Variants in NALCN observed in about 807,000 individuals in gnomAD.
NALCN encodes the protein sodium leak channel, non-selective, also known as sodium leak channel NALCN.
NALCN carries 111 observed loss-of-function variants against 225.3 expected under a neutral mutation model. That is an observed-to-expected ratio of 0.49 (90% confidence interval 0.42 to 0.58). The LOEUF is 0.58. NALCN is among the 20% of genes least tolerant of loss of function. The pLI is 0.00. For missense variants in NALCN, 1,378 were observed against 2,202.4 expected (o/e 0.63, Z 7.49); for synonymous variants, 764 against 769.0 (o/e 0.99, Z 0.11).
chr13:101,117,915 G>A (rs968826232), intron 18 of NALCN, among the ~76,000 whole-genome samples: 1 of 152,186 alleles, frequency 6.6e-6, no homozygotes, highest in Admixed American at 6.5e-5. Context: ...TTGGTTGCCA[G>A]GGTTTGTGGG....
chr13:101,415,501 G>A (rs1350409627), intron 1 of NALCN, among the ~76,000 whole-genome samples: 1 of 152,026 alleles, frequency 6.6e-6, no homozygotes, highest in Non-Finnish European at 1.5e-5. Flanking sequence ...AAGCACTAAG[G>A]GTCTGAGTTC....
chr13:101,405,898 G>A (rs2047606667), intron 1 of NALCN, among the ~76,000 whole-genome samples: 7 of 152,118 alleles, frequency 4.6e-5, no homozygotes, highest in Admixed American at 4.6e-4. Flanking sequence ...GAGTTTCCAT[G>A]TTAAAATAGT....
chr13:101,310,115 G>A (rs137897179), intron 7 of NALCN, among the ~76,000 whole-genome samples: 200 of 152,164 alleles, frequency 1.3e-3, no homozygotes, highest in African/African-American at 4.6e-3. Context: ...GCCATCTCTC[G>A]CCTGGACTCT....
intron 13 of NALCN, among the ~76,000 whole-genome samples, chr13:101,194,513 G>A (rs1278203239): frequency 6.6e-6 from 1 of 152,176 alleles, no homozygotes; most frequent in Non-Finnish European, 1.5e-5. Context: ...TAGTGTGCTT[G>A]AGATAGTGAC....
chr13:101,251,674 A>T (rs1315639729), intron 11 of NALCN, among the ~76,000 whole-genome samples: 2 of 152,214 alleles, frequency 1.3e-5, no homozygotes, highest in African/African-American at 2.4e-5. Context: ...ATCCTGCAAA[A>T]TAATCATATT....
At chr13:101,207,697 T>C (rs902786277) in intron 13 of NALCN, among the ~76,000 whole-genome samples, 1 of 149,912 alleles carries the variant, frequency 6.7e-6, no homozygotes, top group African/African-American at 2.5e-5. Context: ...CAGCACTCTG[T>C]AAAATGGACC....
At chr13:101,188,633 T>TAC (rs1471255424) in intron 14 of NALCN, among the ~76,000 whole-genome samples, 3 of 149,138 alleles carry the variant, frequency 2.0e-5, no homozygotes, top group Non-Finnish European at 4.5e-5. Flanking sequence ...TATACATATA[T>TAC]ACACATATAT....
intron 17 of NALCN, among the ~76,000 whole-genome samples, chr13:101,133,877 T>C (rs1028992405): frequency 3.3e-5 from 5 of 152,104 alleles, no homozygotes; most frequent in African/African-American, 1.2e-4. Context: ...GGGTCAAGAT[T>C]TCTTATTGTA....
chr13:101,256,985 G>A (rs969276823), intron 11 of NALCN, among the ~76,000 whole-genome samples: 4 of 151,896 alleles, frequency 2.6e-5, no homozygotes, highest in South Asian at 2.1e-4. Context: ...GGCTTGTCTC[G>A]AACTCCTGAC....
At chr13:101,130,356 C>G (rs746509985) in intron 17 of NALCN, among the ~76,000 whole-genome samples, 1 of 152,180 alleles carries the variant, frequency 6.6e-6, no homozygotes, top group African/African-American at 2.4e-5. Context: ...TATCTGTACT[C>G]TATCCATATT....
intron 7 of NALCN, among the ~76,000 whole-genome samples, chr13:101,339,990 G>A (rs904767890): frequency 6.8e-6 from 1 of 147,530 alleles, no homozygotes; most frequent in Non-Finnish European, 1.5e-5. Context: ...GTGCCCCGGC[G>A]GGTACAGTGG....
At chr13:101,216,221 T>A (rs914919659) in intron 13 of NALCN, among the ~76,000 whole-genome samples, 20 of 152,042 alleles carry the variant, frequency 1.3e-4, no homozygotes, top group Admixed American at 2.6e-4. Context: ...TTTAGGTAAC[T>A]CTCATAAACA....
Position 101,142,970 on chromosome 13 carries a change from T to G in NALCN, c.2118+110A>C, listed in dbSNP as rs763851783. On this transcript the variant is annotated intron_variant, in intron 17 of 43. Transcript: ENST00000251127. The stretch of plus-strand genomic sequence containing the variant: ...TTTTACAAATGAAATCATTTTATTT[T>G]CATTATTCTCTTGAGAAATTGGATT... 2.2e-6 allele frequency: 3 copies of G among 1,337,330 alleles called. No individual in the cohort carries two copies. The East Asian group carries it at 6.9e-5, about 31-fold the overall frequency. 82.8% of individuals were successfully genotyped at this position (1,337,330 alleles called of 1,614,324 possible). A position where few individuals can be genotyped will look rare whatever the true frequency, so the allele number is the denominator to read the frequency against.
At chr13:101,144,961 A>C in intron 15 of NALCN, 65 bp from the exon 16 acceptor site, 1 of 1,487,906 alleles carries the variant, frequency 6.7e-7, no homozygotes, top group Non-Finnish European at 8.9e-7. Flanking sequence ...ACGTTACACA[A>C]AATTAGTTTT....
At chr13:101,371,052 T>C (rs1026623645) in intron 6 of NALCN, among the ~76,000 whole-genome samples, 18 of 152,206 alleles carry the variant, frequency 1.2e-4, no homozygotes, top group African/African-American at 4.1e-4. Flanking sequence ...CATAATTATT[T>C]TGAGATTTAT....
intron 6 of NALCN, 55 bp downstream of exon 6, chr13:101,376,645 C>A: frequency 6.5e-7 from 1 of 1,540,218 alleles, no homozygotes; most frequent in Non-Finnish European, 8.7e-7. Context: ...ATGAAAATTA[C>A]AGAGATATCT....
chr13:101,300,199 T>C (rs1450340994), intron 7 of NALCN, among the ~76,000 whole-genome samples: 1 of 152,092 alleles, frequency 6.6e-6, no homozygotes. Flanking sequence ...TACTAAACGA[T>C]AAAGCAGCTA....
intron 6 of NALCN, among the ~76,000 whole-genome samples, chr13:101,353,028 C>A (rs962192584): frequency 6.6e-6 from 1 of 152,200 alleles, no homozygotes; most frequent in East Asian, 1.9e-4. Flanking sequence ...ACAACTTGAG[C>A]ATTTTGTTTT....
intron 10 of NALCN, among the ~76,000 whole-genome samples, chr13:101,275,705 G>A (rs931076103): frequency 2.0e-5 from 3 of 152,044 alleles, no homozygotes; most frequent in Non-Finnish European, 2.9e-5. Flanking sequence ...TGGGAGATGC[G>A]CATTTAGGCA....
Sources: gnomAD v4.1 joint callset for allele counts (sites outside exome capture counted in the v4.1 genomes callset) on GRCh38, gnomAD v4.1.1 for gene constraint, MANE v1.5 for transcripts, NCBI Gene and HGNC (gene_info 2026-07-23, HGNC 2026-07-21) for gene names.